The following ZNF37A variants were observed in gnomAD, a reference collection of about 807,000 sequenced individuals.
ZNF37A encodes the protein zinc finger protein 37a (KOX 21).
A neutral mutation model predicts 12.3 loss-of-function variants in ZNF37A; 10 were observed. That is an observed-to-expected ratio of 0.82 (90% CI 0.50 to 1.38). The LOEUF (loss-of-function observed/expected upper bound fraction) is 1.38, where lower values mean the gene tolerates loss of function less well. ZNF37A is among the 40% of genes most tolerant of loss of function. ZNF37A has a pLI of 0.00. For missense variants in ZNF37A, 580 were observed against 651.2 expected (o/e 0.89, Z 1.19); for synonymous variants, 207 against 223.0 (o/e 0.93, Z 0.64).
At chr10:38,112,793 T>TTCTTTTCTTTTCTTGTCTTGTCTTG (rs1554929952) in intron 5 of ZNF37A, among the ~76,000 whole-genome samples, 4 of 48,766 alleles carry the variant, frequency 8.2e-5, no homozygotes, top group Admixed American at 2.6e-4. Context: ...TTCTTTTCTT[T>TTCTTTTCTTTTCTTGTCTTGTCTTG]TCTTGTCTTG....
At chr10:38,124,676 A>G (rs1020314877), downstream of ZNF37A, 11 of 152,218 alleles carry the variant, frequency 7.2e-5, no homozygotes, top group Non-Finnish European at 2.9e-5. Context: ...ATTTAATACA[A>G]TTTCAATAAA....
chr10:38,115,114 T>TAA, intron 6 of ZNF37A, 81 bp from the exon 7 acceptor site: 1 of 1,094,960 alleles, frequency 9.1e-7, no homozygotes, highest in East Asian at 2.6e-5. Flanking sequence ...TGTGTGTGTG[T>TAA]GTACTGTTTG....
At chr10:38,129,661 T>G (rs145415487), downstream of ZNF37A, among the ~76,000 whole-genome samples, 40 of 152,352 alleles carry the variant, frequency 2.6e-4, no homozygotes, top group African/African-American at 9.4e-4. Flanking sequence ...CATGTTTCTA[T>G]GCATCTCATA....
At chr10:38,097,626 G>A (rs1382689176) in intron 5 of ZNF37A, among the ~76,000 whole-genome samples, 2 of 127,154 alleles carry the variant, frequency 1.6e-5, no homozygotes, top group Non-Finnish European at 3.3e-5. Flanking sequence ...CACATGAATT[G>A]TGTAGCATTA....
Position 38,095,151 on chromosome 10 carries a change from C to G in ZNF37A, c.-271C>G, listed in dbSNP as rs1480300503. ...CTCAAGTGACAGGAAGATGTAGGAG[C>G]TTTCTGTCTTGAATGAGGATTCGAA... On this transcript the variant is annotated 5_prime_UTR_variant, in exon 2 of 8. Transcript: ENST00000685332. The G allele has an allele frequency of 6.6e-6, 1 of 152,510 alleles. No individual in the cohort carries two copies. Among genetic ancestry groups the G allele is most frequent in the East Asian group, 1.9e-4 (1 of 5,188 alleles). 9.4% of individuals were successfully genotyped at this position (152,510 alleles called of 1,614,324 possible). A position where few individuals can be genotyped will look rare whatever the true frequency, so the allele number is the denominator to read the frequency against.
In ZNF37A at chr10:38,114,762, T is replaced by C. The variant is rs2069102277; in HGVS notation, c.23T>C (p.Val8Ala). 2.5e-6 allele frequency: 4 copies of C among 1,614,024 alleles called. No individual in the cohort carries two copies. Among genetic ancestry groups the C allele is most frequent in the Non-Finnish European group, 3.4e-6 (4 of 1,180,002 alleles). The change falls in exon 6 of 8, where the codon GTG (valine) becomes GCG (alanine). Residue 8 changes from valine (V) to alanine (A), a missense_variant. Physicochemically the swap from Val to Ala is moderately conservative, Grantham distance 64 (BLOSUM62 0). Coordinates refer to ENST00000685332, the MANE Select transcript of ZNF37A (RefSeq NM_001324250.3). ...AAAATTGTGATTTTCCAGGGATCAG[T>C]GTCGTTTAGGGATGTGACTGTGGGC... is the stretch of plus-strand genomic sequence containing the variant. MITSQGS[V>A]SFRDVTVGFT...
intron 7 of ZNF37A, among the ~76,000 whole-genome samples, chr10:38,132,320 ATT>A (rs995963070): frequency 6.6e-6 from 1 of 151,926 alleles, no homozygotes; most frequent in African/African-American, 2.4e-5. Context: ...TAGTGTTGGA[ATT>A]TTTCAAATGC....
At position 38,097,583 on chromosome 10, in the gene ZNF37A, C is replaced by CAAAAAAAAAAAAA. The variant is rs71007695; in HGVS notation, c.15+970_15+982dup. Reference sequence around the variant, plus strand: ...TGGGTGACAGAGTGAGACTCTGTCTCAAAAAAAAAAAAAAAAAAAAAAAAA... The same window carrying CAAAAAAAAAAAAA: ...TGGGTGACAGAGTGAGACTCTGTCTCAAAAAAAAAAAAAAAAAAAAAAAAAAAAAAAAAAAAAA... On this transcript the variant is annotated intron_variant, in intron 5 of 7. Transcript: ENST00000685332. Among the ~76,000 whole-genome samples, 17 of 61,942 alleles carry CAAAAAAAAAAAAA rather than the reference C, an allele frequency of 2.7e-4. 1 individual carries two copies. Among genetic ancestry groups the CAAAAAAAAAAAAA allele is most frequent in the African/African-American group, 4.7e-4 (10 of 21,444 alleles). 40.6% of individuals were successfully genotyped at this position (61,942 alleles called of 152,430 possible).
chr10:38,112,329 T>G (rs2068755923), intron 5 of ZNF37A, among the ~76,000 whole-genome samples: 1 of 152,118 alleles, frequency 6.6e-6, no homozygotes, highest in African/African-American at 2.4e-5. Context: ...TTTGCCAAGC[T>G]TCTCCTGTCC....
chr10:38,129,319 A>AAAAAAAAAAAAAAAACAAC, downstream of ZNF37A, among the ~76,000 whole-genome samples: 2 of 116,294 alleles, frequency 1.7e-5, no homozygotes, highest in African/African-American at 7.3e-5. Flanking sequence ...AAAAAAAAAA[A>AAAAAAAAAAAAAAAACAAC]AAACTATTAT....
chr10:38,128,810 G>A (rs562663464), downstream of ZNF37A, among the ~76,000 whole-genome samples: 2 of 152,270 alleles, frequency 1.3e-5, no homozygotes, highest in East Asian at 3.9e-4. Flanking sequence ...CTGGAGTGCA[G>A]TGGCATGATC....
At chr10:38,131,264 G>A (rs765307290) in intron 7 of ZNF37A, among the ~76,000 whole-genome samples, 1 of 152,054 alleles carries the variant, frequency 6.6e-6, no homozygotes, top group Non-Finnish European at 1.5e-5. Flanking sequence ...TTGGTATCAT[G>A]TTCCCAAATC....
At chr10:38,141,420 G>C (rs1379083369) in intron 7 of ZNF37A, 5 of 152,104 alleles carry the variant, frequency 3.3e-5, no homozygotes, top group African/African-American at 7.2e-5. Flanking sequence ...CATAATCCTA[G>C]TCTAGTCAGA....
chr10:38,119,211 G>T lies in ZNF37A; in HGVS notation c.*374G>T. The T allele has an allele frequency of 9.7e-7, 1 of 1,028,894 alleles. No individual in the cohort carries two copies. The highest frequency in any genetic ancestry group is 1.2e-6 in the Non-Finnish European group (1 of 847,778). 63.7% of individuals were successfully genotyped at this position (1,028,894 alleles called of 1,614,324 possible). On this transcript the variant is annotated 3_prime_UTR_variant, in exon 8 of 8. Transcript: ENST00000685332. Reference sequence around the variant, plus strand: ...ACAGAATACCTGAGAAGACACACTTGGAGAAACCTTTTGGGTGTAATGAAT... The same window carrying T: ...ACAGAATACCTGAGAAGACACACTTTGAGAAACCTTTTGGGTGTAATGAAT...
intron 7 of ZNF37A, chr10:38,117,073 C>A: frequency 1.5e-6 from 1 of 646,710 alleles, no homozygotes; most frequent in Non-Finnish European, 1.9e-6. Flanking sequence ...CACGTCACTA[C>A]ACTCCAGCCT....
exon 8 of ZNF37A, chr10:38,150,066 C>G (rs1056553113): frequency 1.3e-5 from 2 of 152,310 alleles, no homozygotes; most frequent in African/African-American, 4.8e-5. Context: ...GACTCCTCAT[C>G]TTGTACCTGC....
At chr10:38,144,182 T>C (rs2070223977) in intron 7 of ZNF37A, 1 of 152,240 alleles carries the variant, frequency 6.6e-6, no homozygotes, top group Admixed American at 6.5e-5. Flanking sequence ...ATTTATTTTT[T>C]TAACTGAGAT....
intron 5 of ZNF37A, among the ~76,000 whole-genome samples, chr10:38,098,702 C>T (rs1363706503): frequency 6.6e-6 from 1 of 152,122 alleles, no homozygotes; most frequent in Non-Finnish European, 1.5e-5. Context: ...ATTCAGACTT[C>T]AGTGTCTATA....
intron 7 of ZNF37A, among the ~76,000 whole-genome samples, chr10:38,146,096 T>C (rs1352661508): frequency 1.3e-5 from 2 of 152,164 alleles, no homozygotes; most frequent in Non-Finnish European, 2.9e-5. Flanking sequence ...TGAGATTCTG[T>C]CTCAAACAAA....
Sources: gnomAD v4.1 joint callset for allele counts (sites outside exome capture counted in the v4.1 genomes callset) on GRCh38, gnomAD v4.1.1 for gene constraint, MANE v1.5 for transcripts, NCBI Gene and HGNC (gene_info 2026-07-23, HGNC 2026-07-21) for gene names.